The following TPM4 variants were observed in gnomAD, a reference collection of about 807,000 sequenced individuals.
The protein encoded by TPM4 is tropomyosin alpha-4 chain.
A neutral mutation model predicts 35.8 loss-of-function variants in TPM4; 17 were observed. The observed-to-expected ratio is 0.47, with a 90% CI of 0.32 to 0.71. The LOEUF (loss-of-function observed/expected upper bound fraction) is 0.71, where lower values mean the gene tolerates loss of function less well. TPM4 is among the 30% of genes least tolerant of loss of function. The probability of loss-of-function intolerance (pLI) is 0.03; values close to 1 mark genes in which losing one functional copy is unlikely to be tolerated. For missense variants in TPM4, 240 were observed against 320.9 expected (o/e 0.75, Z 1.93); for synonymous variants, 120 against 122.9 (o/e 0.98, Z 0.15).
intron 1 of TPM4, chr19:16,077,165 C>G (rs1462295790): frequency 1.3e-5 from 2 of 151,194 alleles, no homozygotes; most frequent in African/African-American, 2.4e-5. Flanking sequence ...GACGGGGGAC[C>G]GGGGATCTGG....
chr19:16,076,687 G>T lies in TPM4; in HGVS notation c.122G>T (p.Arg41Leu). The change falls in exon 1 of 8, where the codon CGG becomes CTG. Residue 41 changes from arginine (R) to leucine (L), a missense_variant. Physicochemically the swap from Arg to Leu is moderately radical, Grantham distance 102. Transcript: ENST00000643579. ...LQRELDGERE[R>L]REKAEGDVAA... ...CGGGAGCTGGACGGCGAGCGCGAGC[G>T]GCGCGAGAAAGTGAGCGCCCCGGCC... is the stretch of plus-strand genomic sequence containing the variant. The T allele has an allele frequency of 1.5e-6, 2 of 1,361,062 alleles. No homozygotes were observed. The highest frequency in any genetic ancestry group is 2.7e-4 in the Middle Eastern group (1 of 3,710). The allele number at this position is 1,361,062 out of a possible 1,614,324, so 84.3% of individuals were successfully genotyped here.
intron 2 of TPM4, among the ~76,000 whole-genome samples, chr19:16,069,167 T>C (rs1380477843): frequency 6.6e-6 from 1 of 152,206 alleles, no homozygotes. Flanking sequence ...CGCACATGTT[T>C]GGATGTGTGT....
rs1244834531 is a variant in TPM4 at position 16,082,017 on chromosome 19, G to A, written c.237G>A (p.Glu79=). Residue 79 remains glutamate (E), a synonymous_variant, in exon 2 of 8, where the codon GAG becomes GAA. Coordinates refer to ENST00000643579, the MANE Select transcript of TPM4 (RefSeq NM_003290.3). ...CCACGGCCCTGCAGAAGCTGGAGGA[G>A]GCAGAAAAAGCTGCAGATGAGAGTG... ...RLATALQKLE[E]AEKAADESER... 1 of 1,610,248 alleles carries A rather than the reference G, an allele frequency of 6.2e-7. No homozygotes were observed. Among genetic ancestry groups the A allele is most frequent in the African/African-American group, 1.3e-5 (1 of 74,882 alleles).
At chr19:16,079,881 T>G (rs1403723938) in intron 1 of TPM4, 1 of 175,668 alleles carries the variant, frequency 5.7e-6, no homozygotes, top group Non-Finnish European at 1.2e-5. Flanking sequence ...TTTGTATTTT[T>G]AGTAGAGATG....
intron 1 of TPM4, 71 bp downstream of exon 1, chr19:16,076,768 C>T: frequency 7.8e-7 from 1 of 1,283,298 alleles, no homozygotes; most frequent in Non-Finnish European, 9.9e-7. Flanking sequence ...TTCCCGGCTT[C>T]CCGCGCTGCC....
intron 1 of TPM4, chr19:16,081,397 CTTTTTTT>C (rs374854830): frequency 1.5e-5 from 2 of 136,510 alleles, no homozygotes; most frequent in Non-Finnish European, 2.9e-5. Context: ...GGGACACTCG[CTTTTTTT>C]TTTTTTTTTT....
intron 7 of TPM4, chr19:16,101,027 G>T: frequency 3.0e-6 from 1 of 329,996 alleles, no homozygotes; most frequent in Non-Finnish European, 5.8e-6. Flanking sequence ...AAAATTAGCC[G>T]GGTGGTGGTG....
chr19:16,076,799 G>C, intron 1 of TPM4, 102 bp downstream of exon 1: 1 of 1,268,202 alleles, frequency 7.9e-7, no homozygotes, highest in Non-Finnish European at 9.9e-7. Context: ...CAGTCCTCGG[G>C]CCGCCTTTTT....
At chr19:16,082,889 G>A (rs994618029) in intron 2 of TPM4, among the ~76,000 whole-genome samples, 16 of 151,570 alleles carry the variant, frequency 1.1e-4, no homozygotes, top group Non-Finnish European at 2.2e-4. Context: ...CTACTCAAGA[G>A]GCTGAGGTGG....
chr19:16,089,189 G>A (rs1338847919), intron 5 of TPM4, 69 bp downstream of exon 5: 1 of 1,597,936 alleles, frequency 6.3e-7, no homozygotes, highest in East Asian at 2.2e-5. Context: ...GAGGGATGCA[G>A]GAGCCTGTCA....
Position 16,070,182 on chromosome 19 carries a change from G to T in TPM4, c.114+2444G>T, listed in dbSNP as rs935615820. On this transcript the variant is annotated intron_variant, in intron 2 of 2. Coordinates refer to the TPM4 transcript ENST00000589897. The surrounding 1 kb of genome is among the most constrained non-coding windows in gnomAD (Gnocchi z 7.4). Reference sequence around the variant, plus strand: ...CCCGTGGTGGACGGAGGAGAGGGAGGCCATTTCCCATCTCCTGGCAGCCAA... The same window carrying T: ...CCCGTGGTGGACGGAGGAGAGGGAGTCCATTTCCCATCTCCTGGCAGCCAA... Among the ~76,000 whole-genome samples, 1 of 152,122 alleles carries T rather than the reference G, an allele frequency of 6.6e-6. No individual in the cohort carries two copies. Among genetic ancestry groups the T allele is most frequent in the Non-Finnish European group, 1.5e-5 (1 of 68,000 alleles).
intron 7 of TPM4, among the ~76,000 whole-genome samples, chr19:16,098,275 T>G (rs1418810394): frequency 6.6e-6 from 1 of 151,912 alleles, no homozygotes; most frequent in East Asian, 1.9e-4. Context: ...AAACTCTGTC[T>G]CTACTAAAAA....
At chr19:16,083,048 G>A (rs931625190) in intron 2 of TPM4, among the ~76,000 whole-genome samples, 1 of 150,384 alleles carries the variant, frequency 6.6e-6, no homozygotes, top group Non-Finnish European at 1.5e-5. Context: ...AAGGAAACTT[G>A]GGATGCACAG....
chr19:16,094,493 G>T (rs1182881772), intron 7 of TPM4, among the ~76,000 whole-genome samples: 2 of 151,044 alleles, frequency 1.3e-5, no homozygotes, highest in East Asian at 3.9e-4. Context: ...CCAAGATCAC[G>T]CCACAGCTCT....
intron 7 of TPM4, among the ~76,000 whole-genome samples, chr19:16,094,901 A>G (rs981432170): frequency 2.0e-5 from 3 of 152,118 alleles, no homozygotes; most frequent in African/African-American, 4.8e-5. Context: ...AGGTTCCCAT[A>G]TAAGGGAAAA....
intron 1 of TPM4, 71 bp from the exon 2 acceptor site, chr19:16,081,842 G>T (rs2090486368): frequency 1.3e-6 from 2 of 1,496,536 alleles, no homozygotes; most frequent in African/African-American, 2.7e-5. Flanking sequence ...CAGAGGGCAG[G>T]ACATGGGGGA....
chr19:16,071,029 G>A (rs2090352717), intron 2 of TPM4, among the ~76,000 whole-genome samples: 1 of 152,184 alleles, frequency 6.6e-6, no homozygotes, highest in Admixed American at 6.5e-5. Context: ...CAAAAAGGAA[G>A]AATCCTCAAA....
rs192180411 is a variant in TPM4 at position 16,092,094 on chromosome 19, C to T, written c.532-1442C>T. 1.1e-4 allele frequency among the ~76,000 whole-genome samples: 17 copies of T among 151,676 alleles called. 1 individual carries two copies. Among genetic ancestry groups the T allele is most frequent in the African/African-American group, 4.1e-4 (17 of 41,352 alleles). On this transcript the variant is annotated intron_variant, in intron 5 of 7. Transcript: ENST00000643579. ...GCTGAGTCAGGGGAATTGCTTCAGC[C>T]TGGGAGGCAGAAGTTGCAAGTCACA...
At chr19:16,095,175 T>C (rs1452400384) in intron 7 of TPM4, 18 of 859,674 alleles carry the variant, frequency 2.1e-5, no homozygotes, top group Non-Finnish European at 2.5e-5. Context: ...TTTCTTCCTC[T>C]TGTGGTTCAT....
Sources: gnomAD v4.1 joint callset for allele counts (sites outside exome capture counted in the v4.1 genomes callset) on GRCh38, gnomAD v4.1.1 for gene constraint, Gnocchi (gnomAD v3.1) non-coding constraint, MANE v1.5 for transcripts, NCBI Gene and HGNC (gene_info 2026-07-23, HGNC 2026-07-21) for gene names.